COL24A1: variants seen among roughly 807,000 people sequenced by gnomAD.
COL24A1 encodes the protein collagen type XXIV alpha 1 chain.
In COL24A1, 224 loss-of-function variants were observed where a neutral mutation model predicts 253.9. The ratio of observed to expected loss-of-function variants is 0.88; its 90% confidence interval spans 0.79 to 0.99. COL24A1 has a LOEUF of 0.99. Among genes scored for constraint, COL24A1 ranks in the 50% least tolerant of loss-of-function variants. The pLI, the probability that COL24A1 is intolerant of heterozygous loss-of-function variation, is 0.00. For synonymous variants in COL24A1, 685 were observed against 673.7 expected (o/e 1.02, Z -0.26); for missense variants, 2,131 against 2,068.5 (o/e 1.03, Z -0.59).
intron 32 of COL24A1, among the ~76,000 whole-genome samples, chr1:85,888,236 T>C (rs1682734650): frequency 6.6e-6 from 1 of 152,142 alleles, no homozygotes; most frequent in Non-Finnish European, 1.5e-5. Context: ...CAGCCATTCT[T>C]GGCTCCCTCC....
intron 1 of COL24A1, among the ~76,000 whole-genome samples, chr1:86,150,234 C>G (rs190304209): frequency 3.3e-5 from 5 of 152,306 alleles, no homozygotes; most frequent in Admixed American, 6.5e-5. Context: ...TCCCCCACCT[C>G]TGTACTTTTG....
chr1:85,958,078 T>C (rs1267104676), intron 24 of COL24A1, among the ~76,000 whole-genome samples: 1 of 152,164 alleles, frequency 6.6e-6, no homozygotes, highest in East Asian at 1.9e-4. Flanking sequence ...GTGCTTTATG[T>C]GCATTATCAC....
chr1:86,099,896 T>C (rs779310042), intron 5 of COL24A1, among the ~76,000 whole-genome samples: 1 of 152,160 alleles, frequency 6.6e-6, no homozygotes, highest in Non-Finnish European at 1.5e-5. Flanking sequence ...TCAATGAATA[T>C]TCAACACAAT....
chr1:86,030,418 G>A (rs1057192060), intron 14 of COL24A1: 2 of 152,294 alleles, frequency 1.3e-5, no homozygotes, highest in African/African-American at 2.4e-5. Flanking sequence ...GCATGGCTAG[G>A]TGACTGCCTA....
At chr1:86,137,337 C>G (rs1214390373) in intron 2 of COL24A1, among the ~76,000 whole-genome samples, 1 of 152,156 alleles carries the variant, frequency 6.6e-6, no homozygotes, top group Admixed American at 6.6e-5. Flanking sequence ...GTACCAAGCA[C>G]TATTCTAAGA....
intron 20 of COL24A1, among the ~76,000 whole-genome samples, chr1:85,978,985 G>A (rs1190715487): frequency 2.0e-5 from 3 of 151,996 alleles, no homozygotes; most frequent in African/African-American, 7.2e-5. Context: ...ATTATATCAA[G>A]TACCCTCTCA....
intron 53 of COL24A1, 64 bp downstream of exon 53, chr1:85,775,610 T>C: frequency 3.0e-6 from 4 of 1,346,156 alleles, no homozygotes; most frequent in Non-Finnish European, 4.2e-6. Context: ...ACAGGGTCCT[T>C]GCTTTCATGG....
At chr1:85,942,136 T>C (rs1321399415) in intron 24 of COL24A1, among the ~76,000 whole-genome samples, 1 of 152,212 alleles carries the variant, frequency 6.6e-6, no homozygotes, top group Admixed American at 6.5e-5. Context: ...CTTCTCTCTT[T>C]AGGCAATAAT....
intron 37 of COL24A1, among the ~76,000 whole-genome samples, chr1:85,864,916 G>C (rs79843903): frequency 1.3e-5 from 2 of 152,072 alleles, no homozygotes; most frequent in Non-Finnish European, 1.5e-5. Flanking sequence ...ATAACAGACC[G>C]TAAGTCAGGC....
intron 12 of COL24A1, among the ~76,000 whole-genome samples, chr1:86,041,210 G>A (rs983445109): frequency 4.6e-5 from 7 of 152,104 alleles, no homozygotes; most frequent in Non-Finnish European, 1.0e-4. Flanking sequence ...TATCTTCAGA[G>A]GAAGAAAACT....
chr1:85,862,425 ACG>A (rs1474200605), intron 37 of COL24A1, among the ~76,000 whole-genome samples: 1 of 25,968 alleles, frequency 3.9e-5, no homozygotes. Flanking sequence ...AAGAAAATCT[ACG>A]TTAAAAATCT....
At chr1:86,147,595 T>G (rs533916272) in intron 1 of COL24A1, among the ~76,000 whole-genome samples, 22 of 152,334 alleles carry the variant, frequency 1.4e-4, no homozygotes, top group African/African-American at 5.3e-4. Flanking sequence ...TAGACTCACC[T>G]GAGGAACTTG....
chr1:85,758,780 C>A (rs1168708129), intron 55 of COL24A1, among the ~76,000 whole-genome samples: 1 of 151,982 alleles, frequency 6.6e-6, no homozygotes, highest in Admixed American at 6.6e-5. Flanking sequence ...TCTGTAAAAC[C>A]ATATTTATTC....
intron 3 of COL24A1, among the ~76,000 whole-genome samples, chr1:86,119,913 A>T (rs1225045061): frequency 2.0e-5 from 3 of 152,232 alleles, no homozygotes; most frequent in Non-Finnish European, 1.5e-5. Flanking sequence ...TACAGTAACC[A>T]AAACAGCATG....
intron 43 of COL24A1, among the ~76,000 whole-genome samples, chr1:85,837,511 C>G (rs1056770843): frequency 6.6e-6 from 1 of 152,076 alleles, no homozygotes; most frequent in Non-Finnish European, 1.5e-5. Context: ...AACCCATCAA[C>G]TCATTATTAA....
rs999619388 is a variant in COL24A1, at chr1:86,035,601, A to C, written c.1951-1678T>G. The stretch of plus-strand genomic sequence containing the variant: ...GAGGAATGGAAAGTGATTCCTAATG[A>C]GTACAGGATTTCTTTTGGGGGTGAT... On this transcript the variant is annotated intron_variant, in intron 12 of 59. Transcript: ENST00000370571. Among the ~76,000 whole-genome samples, 6 of 152,238 alleles carry C rather than the reference A, an allele frequency of 3.9e-5. No homozygotes were observed. In the East Asian group the frequency reaches 9.6e-4, roughly 24 times the overall value.
intron 2 of COL24A1, among the ~76,000 whole-genome samples, chr1:86,135,539 T>C (rs1650093223): frequency 6.6e-6 from 1 of 152,032 alleles, no homozygotes; most frequent in East Asian, 1.9e-4. Flanking sequence ...TAAATTCATT[T>C]TTGTTTGTTT....
intron 5 of COL24A1, among the ~76,000 whole-genome samples, chr1:86,100,486 G>T (rs1174093921): frequency 6.6e-6 from 1 of 151,782 alleles, no homozygotes; most frequent in Non-Finnish European, 1.5e-5. Flanking sequence ...TATATATTTG[G>T]TTTTTGTCCC....
intron 24 of COL24A1, among the ~76,000 whole-genome samples, chr1:85,957,152 G>A (rs1690545599): frequency 6.6e-6 from 1 of 152,086 alleles, no homozygotes; most frequent in African/African-American, 2.4e-5. Context: ...AGAACACATG[G>A]ACACCACGAG....
Sources: gnomAD v4.1 joint callset for allele counts (sites outside exome capture counted in the v4.1 genomes callset) on GRCh38, gnomAD v4.1.1 for gene constraint, MANE v1.5 for transcripts, NCBI Gene and HGNC (gene_info 2026-07-23, HGNC 2026-07-21) for gene names.